The following FIG4 variants were observed in gnomAD, a reference collection of about 807,000 sequenced individuals.
FIG4 encodes the protein FIG4 phosphoinositide 5-phosphatase.
Under a neutral mutation model 118.6 loss-of-function variants are expected in FIG4, and 112 were observed. The observed-to-expected ratio is 0.94, with a 90% CI of 0.81 to 1.11. The LOEUF is 1.11. Among genes scored for constraint, FIG4 ranks in the 50% least tolerant of loss-of-function variants. The probability of loss-of-function intolerance (pLI) is 0.00; values close to 1 mark genes in which losing one functional copy is unlikely to be tolerated. For missense variants in FIG4, 969 were observed against 1,111.7 expected (o/e 0.87, Z 1.83); for synonymous variants, 369 against 381.2 (o/e 0.97, Z 0.37).
chr6:109,755,290 T>C (rs576165732), intron 10 of FIG4, among the ~76,000 whole-genome samples: 2 of 152,366 alleles, frequency 1.3e-5, no homozygotes, highest in Admixed American at 1.3e-4. Context: ...GATTGCACTG[T>C]GGTCTGAGAG....
chr6:109,761,031 T>C (rs1032561263), intron 11 of FIG4, among the ~76,000 whole-genome samples: 6 of 152,210 alleles, frequency 3.9e-5, no homozygotes, highest in African/African-American at 1.4e-4. Context: ...TACTACAGAA[T>C]CATACAAGCT....
At chr6:109,747,446 T>G (rs964868177) in intron 10 of FIG4, among the ~76,000 whole-genome samples, 1 of 151,938 alleles carries the variant, frequency 6.6e-6, no homozygotes, top group Admixed American at 6.6e-5. Flanking sequence ...TGTTTCACAA[T>G]GAAGGAAGTA....
intron 22 of FIG4, among the ~76,000 whole-genome samples, chr6:109,824,154 T>A (rs1421572363): frequency 6.6e-6 from 1 of 152,188 alleles, no homozygotes; most frequent in Non-Finnish European, 1.5e-5. Context: ...TTTAAGCCTG[T>A]GGCAGCCCAA....
intron 5 of FIG4, among the ~76,000 whole-genome samples, chr6:109,734,116 C>T (rs1776090264): frequency 6.6e-6 from 1 of 151,710 alleles, no homozygotes; most frequent in African/African-American, 2.4e-5. Context: ...AATTGAACTT[C>T]ACAGATGAAA....
chr6:109,806,733 T>C (rs1471050631), intron 22 of FIG4, among the ~76,000 whole-genome samples: 1 of 152,194 alleles, frequency 6.6e-6, no homozygotes, highest in Admixed American at 6.5e-5. Flanking sequence ...CATCAACCCA[T>C]CATCTACATT....
intron 10 of FIG4, among the ~76,000 whole-genome samples, chr6:109,750,201 A>C (rs931265334): frequency 3.9e-5 from 6 of 152,206 alleles, no homozygotes; most frequent in African/African-American, 1.4e-4. Flanking sequence ...ACTGGTTGAA[A>C]GACAGTTTGC....
At chr6:109,753,412 A>C (rs1262299177) in intron 10 of FIG4, among the ~76,000 whole-genome samples, 3 of 151,510 alleles carry the variant, frequency 2.0e-5, no homozygotes, top group Non-Finnish European at 2.9e-5. Flanking sequence ...CTTAGGATTG[A>C]CTTGGTGATG....
intron 16 of FIG4, among the ~76,000 whole-genome samples, chr6:109,782,162 G>A (rs1043944837): frequency 2.6e-5 from 4 of 152,174 alleles, no homozygotes; most frequent in African/African-American, 9.6e-5. Context: ...TGTATGCAAA[G>A]AAGGGAGTGA....
At chr6:109,713,104 C>T (rs891125177) in intron 1 of FIG4, among the ~76,000 whole-genome samples, 3 of 152,146 alleles carry the variant, frequency 2.0e-5, no homozygotes, top group African/African-American at 2.4e-5. Flanking sequence ...GTATCCGATG[C>T]GCTGAGGGTG....
intron 22 of FIG4, among the ~76,000 whole-genome samples, chr6:109,821,239 A>G (rs1308152638): frequency 2.0e-5 from 3 of 152,166 alleles, no homozygotes; most frequent in Non-Finnish European, 4.4e-5. Context: ...CAGAGAGGAA[A>G]CCTCAGAGAG....
intron 1 of FIG4, among the ~76,000 whole-genome samples, chr6:109,695,103 G>A (rs1251576603): frequency 1.3e-5 from 2 of 152,136 alleles, no homozygotes; most frequent in Admixed American, 6.6e-5. Context: ...AAGTTCATGG[G>A]AAAATGGAAT....
At chr6:109,774,890 C>A (rs1562676622) in intron 15 of FIG4, among the ~76,000 whole-genome samples, 1 of 151,406 alleles carries the variant, frequency 6.6e-6, no homozygotes, top group South Asian at 2.1e-4. Context: ...TTGAATAATA[C>A]TTCCTTTCAT....
intron 3 of FIG4, among the ~76,000 whole-genome samples, chr6:109,726,019 A>G (rs1775797874): frequency 3.3e-5 from 5 of 152,136 alleles, no homozygotes. Flanking sequence ...AGATGGATAG[A>G]TTGCAACAAT....
chr6:109,766,767 T>C lies in FIG4; in HGVS notation c.1622T>C (p.Leu541Pro). Residue 541 changes from leucine (L) to proline (P), a missense_variant, in exon 15 of 23, where the codon CTA becomes CCA. Leu to Pro is a moderately conservative substitution (Grantham distance 98). Transcript: ENST00000230124. ...CTCTATGAAGATCATGGTGATACCCTATCCCTTCAGTATGGTGGTTCTCAA... is the reference window on the plus strand; with the variant it reads ...CTCTATGAAGATCATGGTGATACCCCATCCCTTCAGTATGGTGGTTCTCAA... Reference protein sequence around the residue: ...EELYEDHGDTLSLQYGGSQLV... With the variant: ...EELYEDHGDTPSLQYGGSQLV... 6.2e-7 allele frequency: 1 copy of C among 1,613,964 alleles called. No homozygotes were observed. Among genetic ancestry groups the C allele is most frequent in the Non-Finnish European group, 8.5e-7 (1 of 1,179,814 alleles).
intron 1 of FIG4, among the ~76,000 whole-genome samples, chr6:109,699,982 A>C (rs977386016): frequency 1.3e-5 from 2 of 152,192 alleles, no homozygotes; most frequent in African/African-American, 4.8e-5. Flanking sequence ...TGGAAGGAGC[A>C]AATAAGGCTT....
Position 109,693,478 on chromosome 6 carries a change from G to A in FIG4, c.66+1977G>A, listed in dbSNP as rs145366800. On this transcript the variant is annotated intron_variant, in intron 1 of 22. Coordinates refer to ENST00000230124, the MANE Select transcript of FIG4 (RefSeq NM_014845.6). ...AGATAGAGGTGTGTTCCAGAACTCAGCTGTGACCCCTCTCAACTGCCTAAG... is the reference window on the plus strand; with the variant it reads ...AGATAGAGGTGTGTTCCAGAACTCAACTGTGACCCCTCTCAACTGCCTAAG... Among the ~76,000 whole-genome samples, 566 of 152,248 alleles carry A rather than the reference G, an allele frequency of 3.7e-3. 2 individuals are homozygous for A. The highest frequency in any genetic ancestry group is 0.012 in the African/African-American group (491 of 41,552).
At chr6:109,787,385 A>G (rs1322455223) in intron 18 of FIG4, among the ~76,000 whole-genome samples, 1 of 152,158 alleles carries the variant, frequency 6.6e-6, no homozygotes, top group African/African-American at 2.4e-5. Flanking sequence ...ATTTTGCTTC[A>G]GTTTCAGATA....
intron 6 of FIG4, 126 bp from the exon 7 acceptor site, chr6:109,738,199 C>G: frequency 1.3e-6 from 1 of 791,496 alleles, no homozygotes; most frequent in South Asian, 1.5e-5. Context: ...AAGTTAAAAA[C>G]AGAAGTTAAC....
chr6:109,717,359 C>T (rs1261266312), intron 3 of FIG4, among the ~76,000 whole-genome samples: 1 of 152,152 alleles, frequency 6.6e-6, no homozygotes, highest in African/African-American at 2.4e-5. Context: ...CCACCTTTCC[C>T]CCAATTCTGT....
Sources: allele counts gnomAD v4.1 joint callset (sites outside exome capture counted in the v4.1 genomes callset), GRCh38; gene constraint gnomAD v4.1.1; transcripts MANE v1.5; gene names NCBI Gene and HGNC (gene_info 2026-07-23, HGNC 2026-07-21).